BCOR: variants seen among roughly 807,000 people sequenced by gnomAD.
The protein encoded by BCOR is BCL6 corepressor.
Under a neutral mutation model 86.7 loss-of-function variants are expected in BCOR, and 10 were observed. The observed-to-expected ratio is 0.12, with a 90% CI of 0.07 to 0.20. The LOEUF is 0.20. BCOR is among the 10% of genes least tolerant of loss of function. The pLI, the probability that BCOR is intolerant of heterozygous loss-of-function variation, is 1.00. For synonymous variants in BCOR, 611 were observed against 609.0 expected (o/e 1.00, Z -0.05); for missense variants, 1,259 against 1,452.1 (o/e 0.87, Z 2.16).
In BCOR at chrX:40,073,611, C is replaced by A. The variant is rs755213639; in HGVS notation, c.1735G>T (p.Asp579Tyr). ...GAGCTCCTGCTGGTTTTGGTGCCAT[C>A]TGCATTGGCATTGGGGGCGGGTGAT... Reference protein sequence around the residue: ...SASPAPNANADGTKTSRSSVE... With the variant: ...SASPAPNANAYGTKTSRSSVE... The change falls in exon 4 of 15, where the codon GAT (aspartate) becomes TAT (tyrosine). Residue 579 changes from aspartate to tyrosine, a missense_variant. This residue lies in a region of BCOR where 534 missense variants were observed against 594.8 expected (regional missense o/e 0.90). Transcript: ENST00000378444. 1.6e-6 allele frequency: 2 copies of A among 1,212,214 alleles called. No individual in the cohort carries two copies. Among genetic ancestry groups the A allele is most frequent in the Admixed American group, 2.2e-5 (1 of 46,140 alleles).
chrX:40,084,867 G>T (rs1936285598), intron 1 of BCOR, among the ~76,000 whole-genome samples: 1 of 112,470 alleles, frequency 8.9e-6, no homozygotes, highest in Non-Finnish European at 1.9e-5. Flanking sequence ...CTCACTGATT[G>T]TGCAGAGCCT....
chrX:40,070,329 C>A lies in BCOR; in HGVS notation c.3238+644G>T, dbSNP rs192013480. On this transcript the variant is annotated intron_variant, in intron 6 of 14. Coordinates refer to ENST00000378444, the MANE Select transcript of BCOR (RefSeq NM_001123385.2). The stretch of plus-strand genomic sequence containing the variant: ...CAACACATCTTAGCACCCTAGAAGA[C>A]TCGTGAGCAAATCCCAAAGTCAACC... Among the ~76,000 whole-genome samples the A allele has an allele frequency of 2.3e-3, 263 of 112,318 alleles. 6 individuals are homozygous for A. The Admixed American group carries it at 0.024, about 10-fold the overall frequency.
At chrX:40,118,013 AT>A (rs1251834678) in intron 1 of BCOR, among the ~76,000 whole-genome samples, 1 of 58,972 alleles carries the variant, frequency 1.7e-5, no homozygotes, top group Non-Finnish European at 2.7e-5. Flanking sequence ...CTCCCTCCCT[AT>A]CTGTCTTCTC....
intron 6 of BCOR, among the ~76,000 whole-genome samples, chrX:40,067,585 G>A (rs369475782): frequency 3.1e-3 from 346 of 112,155 alleles, no homozygotes; most frequent in African/African-American, 0.011. Flanking sequence ...CACACGCAGT[G>A]TAGATGCTTC....
At chrX:40,152,341 G>A (rs1156557612) in intron 1 of BCOR, among the ~76,000 whole-genome samples, 1 of 111,238 alleles carries the variant, frequency 9.0e-6, no homozygotes, top group Non-Finnish European at 1.9e-5. Flanking sequence ...TTACGGGGAG[G>A]GGTATGTGGG....
chrX:40,109,131 C>T (rs2147823667), intron 1 of BCOR, among the ~76,000 whole-genome samples: 1 of 112,229 alleles, frequency 8.9e-6, no homozygotes, highest in East Asian at 2.9e-4. Flanking sequence ...GGAGGCGAAC[C>T]CGGGCTGCGC....
chrX:40,101,644 G>A (rs1403632816), upstream of BCOR, among the ~76,000 whole-genome samples: 3 of 112,730 alleles, frequency 2.7e-5, no homozygotes, highest in African/African-American at 9.7e-5. Context: ...AGACCCGCTA[G>A]GGCCTCTCCC....
chrX:40,156,426 T>C (rs1602272744), intron 1 of BCOR, among the ~76,000 whole-genome samples: 1 of 112,288 alleles, frequency 8.9e-6, no homozygotes, highest in Middle Eastern at 4.7e-3. Context: ...GGAGGTGACC[T>C]TAGGGCACCC....
chrX:40,098,551 C>G (rs1937001379), upstream of BCOR, among the ~76,000 whole-genome samples: 1 of 111,323 alleles, frequency 9.0e-6, no homozygotes, highest in East Asian at 2.9e-4. Context: ...ACCGCAATTA[C>G]CATAAAGCGC....
Position 40,156,409 on chromosome X carries a change from G to A in BCOR, c.-41+20598C>T, listed in dbSNP as rs1012513946. 2.7e-5 allele frequency among the ~76,000 whole-genome samples: 3 copies of A among 112,172 alleles called. No individual in the cohort carries two copies. The Admixed American group carries it at 2.8e-4, about 10-fold the overall frequency. Reference sequence around the variant, plus strand: ...GGCTGGGGCGGCACAGCAGCGGCAGGGGATGAGGAGGTGACCTTAGGGCAC... The same window carrying A: ...GGCTGGGGCGGCACAGCAGCGGCAGAGGATGAGGAGGTGACCTTAGGGCAC... On this transcript the variant is annotated intron_variant, in intron 1 of 14. Coordinates refer to the BCOR transcript ENST00000342274.
At chrX:40,052,544 C>G in intron 14 of BCOR, 144 bp from the exon 15 acceptor site, 1 of 410,047 alleles carries the variant, frequency 2.4e-6, no homozygotes, top group Admixed American at 4.7e-5. Flanking sequence ...CATACCTACT[C>G]TCTGATCACC....
At position 40,139,402 on chromosome X, in the gene BCOR, T is replaced by TAC. The variant is rs1223041932; in HGVS notation, c.-41+37604_-41+37605insGT. ...TATATATAATATATATACATATATA[T>TAC]ATATATATATATAATATATATACAT... On this transcript the variant is annotated intron_variant, in intron 1 of 14. Transcript: ENST00000342274. 1.1e-4 allele frequency among the ~76,000 whole-genome samples: 2 copies of TAC among 18,307 alleles called. 1 individual carries two copies. Among genetic ancestry groups the TAC allele is most frequent in the African/African-American group, 1.0e-3 (2 of 1,969 alleles). The allele number at this position is 18,307 out of a possible 115,157, so 15.9% of individuals were successfully genotyped here.
intron 1 of BCOR, among the ~76,000 whole-genome samples, chrX:40,133,144 T>G (rs187288034): frequency 1.9e-5 from 2 of 105,934 alleles, no homozygotes; most frequent in Admixed American, 9.9e-5. Context: ...TTTTTCTTTT[T>G]TTTTTTTTTT....
intron 1 of BCOR, among the ~76,000 whole-genome samples, chrX:40,119,085 G>A (rs760030624): frequency 2.5e-4 from 28 of 111,639 alleles, no homozygotes; most frequent in Non-Finnish European, 4.9e-4. Flanking sequence ...TGCCCACCTT[G>A]GCCTCCCGAA....
chrX:40,157,545 C>T (rs1938323110), intron 1 of BCOR, among the ~76,000 whole-genome samples: 1 of 112,661 alleles, frequency 8.9e-6, no homozygotes, highest in Non-Finnish European at 1.9e-5. Context: ...CATTCTGCCT[C>T]TCAAGCTGAG....
At chrX:40,061,397 C>T (rs1055669082) in intron 10 of BCOR, among the ~76,000 whole-genome samples, 1 of 111,258 alleles carries the variant, frequency 9.0e-6, no homozygotes, top group Non-Finnish European at 1.9e-5. Flanking sequence ...AATCATGTAA[C>T]GCCTCTGGGA....
chrX:40,052,519 C>A lies in BCOR; in HGVS notation c.4977-119G>T, dbSNP rs1360218377. 1.2e-5 allele frequency: 7 copies of A among 595,164 alleles called. No individual in the cohort carries two copies. The Admixed American group carries it at 1.9e-4, about 16-fold the overall frequency. The allele number at this position is 595,164 out of a possible 1,213,427, so 49.0% of individuals were successfully genotyped here. ...TCTATGTCCTTTCATTCTGCTCCCACCCCTCATTTCTCACCATACCTACTC... is the reference window on the plus strand; with the variant it reads ...TCTATGTCCTTTCATTCTGCTCCCAACCCTCATTTCTCACCATACCTACTC... On this transcript the variant is annotated intron_variant, in intron 14 of 14. Transcript: ENST00000378444.
At chrX:40,065,880 C>T (rs1200676156) in intron 6 of BCOR, among the ~76,000 whole-genome samples, 1 of 109,293 alleles carries the variant, frequency 9.1e-6, no homozygotes, top group Admixed American at 9.7e-5. Context: ...AATATTACTC[C>T]CACTCCTGAC....
At chrX:40,127,992 C>T (rs1406670807) in intron 1 of BCOR, among the ~76,000 whole-genome samples, 1 of 110,814 alleles carries the variant, frequency 9.0e-6, no homozygotes, top group African/African-American at 3.3e-5. Context: ...TTTGGGAGGC[C>T]GAGGCGGACA....
Sources: allele counts gnomAD v4.1 joint callset (sites outside exome capture counted in the v4.1 genomes callset), GRCh38; gene constraint gnomAD v4.1.1; regional missense constraint gnomAD v4.1.1; transcripts MANE v1.5; gene names NCBI Gene and HGNC (gene_info 2026-07-23, HGNC 2026-07-21).